DNAH7: variants seen among roughly 807,000 people sequenced by gnomAD.
DNAH7 encodes dynein axonemal heavy chain 7, also known as axonemal beta dynein heavy chain 7.
DNAH7 carries 397 observed loss-of-function variants against 444.6 expected under a neutral mutation model. That is an observed-to-expected ratio of 0.89 (90% CI 0.82 to 0.97). DNAH7 has a LOEUF of 0.97. DNAH7 is among the 50% of genes least tolerant of loss of function. The pLI, the probability that DNAH7 is intolerant of heterozygous loss-of-function variation, is 0.00. For missense variants in DNAH7, 4,902 were observed against 4,800.8 expected (o/e 1.02, Z -0.62); for synonymous variants, 1,636 against 1,624.4 (o/e 1.01, Z -0.17).
intron 18 of DNAH7, 134 bp downstream of exon 18, chr2:195,960,126 A>C (rs760808518): frequency 2.8e-5 from 21 of 758,358 alleles, no homozygotes; most frequent in South Asian, 1.6e-4. Flanking sequence ...ATGAAATGCA[A>C]AATCAATTCT....
chr2:195,963,648 C>T (rs1017749653), intron 17 of DNAH7, among the ~76,000 whole-genome samples: 1 of 152,118 alleles, frequency 6.6e-6, no homozygotes, highest in African/African-American at 2.4e-5. Flanking sequence ...GCTTTGTTTG[C>T]CTGTGCTTGT....
chr2:195,914,047 C>G (rs573635351), intron 24 of DNAH7, among the ~76,000 whole-genome samples: 13 of 152,312 alleles, frequency 8.5e-5, no homozygotes, highest in African/African-American at 2.9e-4. Flanking sequence ...CTTCTCAAAG[C>G]ATTCCCCCAT....
At chr2:196,027,229 TTTG>T (rs1316597501) in intron 6 of DNAH7, among the ~76,000 whole-genome samples, 1 of 152,044 alleles carries the variant, frequency 6.6e-6, no homozygotes, top group Non-Finnish European at 1.5e-5. Flanking sequence ...GAATTAGTGT[TTTG>T]TTAATTTTTA....
At position 195,961,436 on chromosome 2, in the gene DNAH7, CT is replaced by C. The variant is rs561601640; in HGVS notation, c.2206-492del. Reference sequence around the variant, plus strand: ...ACCCTTGTAGGCATCATTCTACTCTCTGCTTCTATGAATTTGATTTTTTATT... The same window carrying C: ...ACCCTTGTAGGCATCATTCTACTCTCGCTTCTATGAATTTGATTTTTTATT... On this transcript the variant is annotated intron_variant, in intron 17 of 64. Transcript: ENST00000312428. Among the ~76,000 whole-genome samples, 10 of 152,272 alleles carry C rather than the reference CT, an allele frequency of 6.6e-5. No homozygotes were observed. The South Asian group carries it at 2.1e-3, about 32-fold the overall frequency.
chr2:195,859,362 A>G (rs1157050890), intron 42 of DNAH7, among the ~76,000 whole-genome samples: 1 of 152,240 alleles, frequency 6.6e-6, no homozygotes, highest in African/African-American at 2.4e-5. Flanking sequence ...CAAAATGATT[A>G]TAAAGTAATA....
At chr2:195,938,269 C>G (rs1241025747) in intron 19 of DNAH7, among the ~76,000 whole-genome samples, 1 of 149,986 alleles carries the variant, frequency 6.7e-6, no homozygotes, top group African/African-American at 2.4e-5. Flanking sequence ...ATAATTAGAT[C>G]AATTTATCTT....
intron 38 of DNAH7, 29 bp downstream of exon 38, chr2:195,875,646 C>T (rs1184714434): frequency 2.0e-6 from 3 of 1,530,810 alleles, no homozygotes; most frequent in East Asian, 2.3e-5. Flanking sequence ...ATTTTTCCAT[C>T]TTAGTAATCA....
chr2:195,866,166 A>G (rs570258602), intron 40 of DNAH7, among the ~76,000 whole-genome samples: 3 of 152,350 alleles, frequency 2.0e-5, no homozygotes, highest in African/African-American at 7.2e-5. Flanking sequence ...TAGAAGTAGT[A>G]TTACCTACCT....
At chr2:195,861,623 G>T in intron 42 of DNAH7, 94 bp downstream of exon 42, 1 of 834,000 alleles carries the variant, frequency 1.2e-6, no homozygotes, top group Non-Finnish European at 1.9e-6. Context: ...ATATTTCTAC[G>T]AAATAAATCT....
At chr2:195,748,434 C>T (rs1379167641) in intron 63 of DNAH7, among the ~76,000 whole-genome samples, 1 of 152,174 alleles carries the variant, frequency 6.6e-6, no homozygotes, top group Non-Finnish European at 1.5e-5. Context: ...AGATTCAATG[C>T]TATCCCCATC....
At chr2:195,998,146 T>C (rs927335355) in intron 12 of DNAH7, among the ~76,000 whole-genome samples, 1 of 152,164 alleles carries the variant, frequency 6.6e-6, no homozygotes, top group Non-Finnish European at 1.5e-5. Context: ...ATGAAAAACA[T>C]CTCTCTTCCT....
Position 195,861,650 on chromosome 2 carries a change from C to T in DNAH7, c.7736+67G>A, listed in dbSNP as rs182745175. 2,247 of 1,041,530 alleles carry T rather than the reference C, an allele frequency of 2.2e-3. 6 individuals are homozygous for T. Among genetic ancestry groups the T allele is most frequent in the Non-Finnish European group, 2.0e-3 (1,427 of 700,200 alleles). 64.5% of individuals were successfully genotyped at this position (1,041,530 alleles called of 1,614,324 possible). A position where few individuals can be genotyped will look rare whatever the true frequency, so the allele number is the denominator to read the frequency against. ...AATAAATCTCCATTATATATTATGT[C>T]GTTTTTGCACACACAAGTATTTTTA... On this transcript the variant is annotated intron_variant, in intron 42 of 64. Transcript: ENST00000312428.
intron 9 of DNAH7, among the ~76,000 whole-genome samples, chr2:196,017,567 C>T (rs570442082): frequency 2.6e-5 from 4 of 151,920 alleles, no homozygotes; most frequent in Non-Finnish European, 5.9e-5. Flanking sequence ...TTAATCTGTA[C>T]TTGTACGGAA....
At chr2:195,951,781 T>G (rs896056153) in intron 19 of DNAH7, among the ~76,000 whole-genome samples, 3 of 152,110 alleles carry the variant, frequency 2.0e-5, no homozygotes, top group Admixed American at 6.5e-5. Context: ...TCCATTTGCT[T>G]GGTAAATATT....
chr2:195,945,962 G>A (rs1244472578), intron 19 of DNAH7, among the ~76,000 whole-genome samples: 2 of 152,112 alleles, frequency 1.3e-5, no homozygotes, highest in Non-Finnish European at 2.9e-5. Flanking sequence ...CAAGAAGGGG[G>A]GCCCAAGAGA....
chr2:195,832,659 C>A (rs184225806), intron 48 of DNAH7, among the ~76,000 whole-genome samples: 1 of 152,046 alleles, frequency 6.6e-6, no homozygotes, highest in Admixed American at 6.5e-5. Flanking sequence ...CCAAGTTAGC[C>A]TCAAACTCCT....
chr2:195,858,912 G>A (rs941222897), intron 42 of DNAH7, 108 bp from the exon 43 acceptor site: 40 of 872,162 alleles, frequency 4.6e-5, no homozygotes, highest in Middle Eastern at 2.4e-4. Flanking sequence ...ACATAACTAC[G>A]GAGTGGTCTA....
intron 5 of DNAH7, among the ~76,000 whole-genome samples, chr2:196,040,238 T>C (rs1193597186): frequency 2.0e-5 from 3 of 152,118 alleles, no homozygotes; most frequent in African/African-American, 7.2e-5. Context: ...AGCATTACCT[T>C]GATACCAAAA....
intron 9 of DNAH7, among the ~76,000 whole-genome samples, chr2:196,014,454 T>C (rs1382088921): frequency 1.3e-5 from 2 of 152,088 alleles, no homozygotes; most frequent in Non-Finnish European, 2.9e-5. Flanking sequence ...CTATCCTTTA[T>C]CTTCCCACAT....
Sources: allele counts gnomAD v4.1 joint callset (sites outside exome capture counted in the v4.1 genomes callset), GRCh38; gene constraint gnomAD v4.1.1; transcripts MANE v1.5; gene names NCBI Gene and HGNC (gene_info 2026-07-23, HGNC 2026-07-21).